Variants in CCNG2 observed in about 807,000 individuals in gnomAD.
CCNG2 encodes cyclin-G2.
A neutral mutation model predicts 36.5 loss-of-function variants in CCNG2; 20 were observed. The observed-to-expected ratio is 0.55, with a 90% CI of 0.39 to 0.80. CCNG2 has a LOEUF of 0.80. CCNG2 is among the 30% of genes least tolerant of loss of function. The probability of loss-of-function intolerance (pLI) is 0.00; values close to 1 mark genes in which losing one functional copy is unlikely to be tolerated. For synonymous variants in CCNG2, 155 were observed against 140.1 expected (o/e 1.11, Z -0.75); for missense variants, 358 against 390.8 (o/e 0.92, Z 0.71).
At position 77,161,495 on chromosome 4, in the gene CCNG2, C is replaced by G; in HGVS notation, c.543C>G (p.Ser181Arg). Residue 181 changes from serine (S) to arginine (R), a missense_variant, in exon 5 of 8, where the codon AGC becomes AGG. Coordinates refer to ENST00000316355, the MANE Select transcript of CCNG2 (RefSeq NM_004354.3). The stretch of plus-strand genomic sequence containing the variant: ...CATTGTATAGGAAAGAAATACTGAG[C>G]CTTGATAAACTAGAAGCTCAGCTGA... ...CHTSERKEIL[S>R]LDKLEAQLKA... is the part of the protein sequence containing the mutation. 1.2e-6 allele frequency: 2 copies of G among 1,602,966 alleles called. No individual in the cohort carries two copies. The highest frequency in any genetic ancestry group is 1.7e-6 in the Non-Finnish European group (2 of 1,175,410).
In CCNG2 at chr4:77,158,194, A is replaced by G. The variant is rs1177145898; in HGVS notation, c.1-339A>G. Reference sequence around the variant, plus strand: ...CTCGCCACACTGCAGTCCCCTGGGCAGAAGGCCCTCCCTGGCGCGACTTCA... The same window carrying G: ...CTCGCCACACTGCAGTCCCCTGGGCGGAAGGCCCTCCCTGGCGCGACTTCA... On this transcript the variant is annotated intron_variant, in intron 1 of 7. Transcript: ENST00000316355. 3 of 283,852 alleles carry G rather than the reference A, an allele frequency of 1.1e-5. No homozygotes were observed. In the South Asian group the frequency reaches 1.2e-4, roughly 12 times the overall value. The allele number at this position is 283,852 out of a possible 1,614,324, so 17.6% of individuals were successfully genotyped here.
intron 7 of CCNG2, chr4:77,165,021 G>A (rs1440565660): frequency 6.6e-6 from 1 of 152,380 alleles, no homozygotes; most frequent in African/African-American, 2.4e-5. Flanking sequence ...AAAATAAAGG[G>A]AATCACCACC....
chr4:77,169,348 A>G lies in CCNG2; in HGVS notation c.*3424A>G, dbSNP rs1731709508. The stretch of plus-strand genomic sequence containing the variant: ...CAAGGTATTTTGCATTTGTTACTGG[A>G]ATTCAGTTTTCCTAACTATTTACTA... On this transcript the variant is annotated 3_prime_UTR_variant, in exon 8 of 8. Transcript: ENST00000316355. 1 of 152,154 alleles carries G rather than the reference A, an allele frequency of 6.6e-6. No individual in the cohort carries two copies. The highest frequency in any genetic ancestry group is 1.5e-5 in the Non-Finnish European group (1 of 68,032). 9.4% of individuals were successfully genotyped at this position (152,154 alleles called of 1,614,324 possible).
At chr4:77,162,017 T>C (rs4150075) in intron 6 of CCNG2, among the ~76,000 whole-genome samples, 4,097 of 152,288 alleles carry the variant, frequency 0.027, 163 homozygotes, top group African/African-American at 0.085. Flanking sequence ...AGCTGTTACA[T>C]TGCCACATAT....
rs377510042 is a variant in CCNG2, at chr4:77,165,893, A to G, written c.1004A>G (p.Lys335Arg). The G allele has an allele frequency of 1.2e-6, 2 of 1,610,912 alleles. No homozygotes were observed. Among genetic ancestry groups the G allele is most frequent in the African/African-American group, 1.3e-5 (1 of 74,730 alleles). The change falls in exon 8 of 8, where the codon AAA (lysine) becomes AGA (arginine). Residue 335 changes from lysine (K) to arginine (R), a missense_variant. Coordinates refer to ENST00000316355, the MANE Select transcript of CCNG2 (RefSeq NM_004354.3). ...GAGTGCACCTTCTTTTTCAACTTCA[A>G]AGTGGCACAAACACTGTGCTTTCCA... Reference protein sequence around the residue: ...DQECTFFFNFKVAQTLCFPS With the variant: ...DQECTFFFNFRVAQTLCFPS
chr4:77,161,662 C>T lies in CCNG2; in HGVS notation c.620C>T (p.Ala207Val), dbSNP rs755437007. ...IFSKAKPSVL[A>V]LCLLNLEVET... ...TTTTTCTTACAGCCATCTGTATTAG[C>T]CTTGTGCCTTCTCAATTTGGAAGTG... Residue 207 changes from alanine (A) to valine (V), a missense_variant, in exon 6 of 8, where the codon GCC (alanine) becomes GTC (valine). Transcript: ENST00000316355. The T allele has an allele frequency of 2.5e-6, 4 of 1,604,114 alleles. No homozygotes were observed. The highest frequency in any genetic ancestry group is 3.4e-6 in the Non-Finnish European group (4 of 1,175,410).
intron 4 of CCNG2, 136 bp downstream of exon 4, chr4:77,161,107 T>G: frequency 1.3e-6 from 1 of 757,784 alleles, no homozygotes; most frequent in Non-Finnish European, 2.0e-6. Context: ...ATCTTTTTTT[T>G]TTTTTTTTTT....
chr4:77,161,578 A>G lies in CCNG2; in HGVS notation c.606+20A>G, dbSNP rs749688652. 3.1e-6 allele frequency: 5 copies of G among 1,591,642 alleles called. No homozygotes were observed. In the African/African-American group the frequency reaches 4.1e-5, roughly 13 times the overall value. On this transcript the variant is annotated intron_variant, in intron 5 of 7. Coordinates refer to ENST00000316355, the MANE Select transcript of CCNG2 (RefSeq NM_004354.3). ...GCAAAAGTAAGTCGATTCCTTGCTT[A>G]TGTATATATCTCACAGTTTGTATTT...
chr4:77,159,814 C>T (rs1731379156), intron 3 of CCNG2, among the ~76,000 whole-genome samples: 1 of 152,180 alleles, frequency 6.6e-6, no homozygotes, highest in South Asian at 2.1e-4. Context: ...TTTCATCTGC[C>T]ATCATGCTTC....
At chr4:77,158,759 C>T in intron 2 of CCNG2, 89 bp downstream of exon 2, 3 of 1,378,822 alleles carry the variant, frequency 2.2e-6, no homozygotes, top group East Asian at 4.7e-5. Flanking sequence ...ATGACTAAAG[C>T]CTGCAAAATT....
rs563841808 is a variant in CCNG2, at chr4:77,160,143, G to T, written c.277-578G>T. On this transcript the variant is annotated intron_variant, in intron 3 of 7. Coordinates refer to ENST00000316355, the MANE Select transcript of CCNG2 (RefSeq NM_004354.3). The stretch of plus-strand genomic sequence containing the variant: ...ATTGAAATATGGAATGACTCTTAAA[G>T]ATTTTTATGTAAAAAGATAAGTATA... Among the ~76,000 whole-genome samples the T allele has an allele frequency of 3.3e-5, 5 of 152,222 alleles. No homozygotes were observed. In the East Asian group the frequency reaches 7.7e-4, roughly 23 times the overall value.
At position 77,166,967 on chromosome 4, in the gene CCNG2, ATAAAT is replaced by A. The variant is rs1490169258; in HGVS notation, c.*1045_*1049del. 4 of 152,226 alleles carry A rather than the reference ATAAAT, an allele frequency of 2.6e-5. No individual in the cohort carries two copies. Among genetic ancestry groups the A allele is most frequent in the Non-Finnish European group, 4.4e-5 (3 of 68,044 alleles). 9.4% of individuals were successfully genotyped at this position (152,226 alleles called of 1,614,324 possible). A position where few individuals can be genotyped will look rare whatever the true frequency, so the allele number is the denominator to read the frequency against. On this transcript the variant is annotated 3_prime_UTR_variant, in exon 8 of 8. Transcript: ENST00000316355. ...TTTTGTACAGAGAATTTTTAACTTT[ATAAAT>A]TGTATATGAACATGTAAATCTTTTA...
chr4:77,158,499 A>G (rs767384682), intron 1 of CCNG2, 34 bp from the exon 2 acceptor site: 1 of 1,612,948 alleles, frequency 6.2e-7, no homozygotes, highest in Non-Finnish European at 8.5e-7. Flanking sequence ...TCTTACCCCC[A>G]GATTACATTC....
In CCNG2 at chr4:77,166,084, T is replaced by C. The variant is rs751467244; in HGVS notation, c.*160T>C. ...AGATCAGATCTGGCCTATTTTCATA[T>C]TTATCCTAAGCCATCAAATGGGGTA... On this transcript the variant is annotated 3_prime_UTR_variant, in exon 8 of 8. Transcript: ENST00000316355. 8.4e-6 allele frequency: 5 copies of C among 595,148 alleles called. No homozygotes were observed. The highest frequency in any genetic ancestry group is 1.3e-5 in the Non-Finnish European group (5 of 376,276). The allele number at this position is 595,148 out of a possible 1,614,324, so 36.9% of individuals were successfully genotyped here. A position where few individuals can be genotyped will look rare whatever the true frequency, so the allele number is the denominator to read the frequency against.
intron 4 of CCNG2, 94 bp downstream of exon 4, chr4:77,161,065 C>A: frequency 1.1e-4 from 63 of 592,526 alleles, no homozygotes; most frequent in Non-Finnish European, 1.4e-4. Context: ...TTTTTACCTT[C>A]TTCAAACTTT....
chr4:77,160,702 C>T lies in CCNG2; in HGVS notation c.277-19C>T, dbSNP rs772062630. The stretch of plus-strand genomic sequence containing the variant: ...TCAAAGTGACAGTTGTTAAAAGAAG[C>T]CTCTTGTTTTTTTCTCAGGTGAAAC... On this transcript the variant is annotated intron_variant, in intron 3 of 7. Coordinates refer to ENST00000316355, the MANE Select transcript of CCNG2 (RefSeq NM_004354.3). The T allele has an allele frequency of 6.2e-7, 1 of 1,603,142 alleles. No homozygotes were observed. The highest frequency in any genetic ancestry group is 1.7e-5 in the Admixed American group (1 of 57,920).
rs1731654915 is a variant in CCNG2, at chr4:77,167,323, A to G, written c.*1399A>G. Reference sequence around the variant, plus strand: ...TCCAGAGTGAGCCTTCTAACTGGCTAGCAGAAGTTCTCTAGGTTTGGCATC... The same window carrying G: ...TCCAGAGTGAGCCTTCTAACTGGCTGGCAGAAGTTCTCTAGGTTTGGCATC... On this transcript the variant is annotated 3_prime_UTR_variant, in exon 8 of 8. Coordinates refer to ENST00000316355, the MANE Select transcript of CCNG2 (RefSeq NM_004354.3). 6.6e-6 allele frequency: 1 copy of G among 152,224 alleles called. No homozygotes were observed. Among genetic ancestry groups the G allele is most frequent in the Non-Finnish European group, 1.5e-5 (1 of 68,038 alleles). 9.4% of individuals were successfully genotyped at this position (152,224 alleles called of 1,614,324 possible).
intron 1 of CCNG2, 189 bp from the exon 2 acceptor site, chr4:77,158,344 T>C: frequency 1.7e-6 from 1 of 584,280 alleles, no homozygotes; most frequent in South Asian, 2.1e-5. Flanking sequence ...CTCCTCCCCC[T>C]GCCACACCTC....
At chr4:77,164,250 C>G in intron 6 of CCNG2, 24 bp from the exon 7 acceptor site, 1 of 1,579,868 alleles carries the variant, frequency 6.3e-7, no homozygotes, top group Non-Finnish European at 8.7e-7. Flanking sequence ...ATTGCCGTAA[C>G]CTCTTAAAAT....
Sources: allele counts gnomAD v4.1 joint callset (sites outside exome capture counted in the v4.1 genomes callset), GRCh38; gene constraint gnomAD v4.1.1; transcripts MANE v1.5; gene names NCBI Gene and HGNC (gene_info 2026-07-23, HGNC 2026-07-21).